The following SGCD variants were observed in gnomAD, a reference collection of about 807,000 sequenced individuals.
The protein encoded by SGCD is delta-sarcoglycan.
SGCD carries 18 observed loss-of-function variants against 36.6 expected under a neutral mutation model. The observed-to-expected ratio is 0.49, with a 90% CI of 0.34 to 0.73. The LOEUF (loss-of-function observed/expected upper bound fraction) is 0.73. Ranked by LOEUF, SGCD falls within the 30% of genes least tolerant of loss-of-function variation. The probability of loss-of-function intolerance (pLI) is 0.01; values close to 1 mark genes in which losing one functional copy is unlikely to be tolerated. For synonymous variants in SGCD, 133 were observed against 130.6 expected (o/e 1.02, Z -0.12); for missense variants, 387 against 346.7 (o/e 1.12, Z -0.92).
the SGCD span, among the ~76,000 whole-genome samples, chr5:155,780,349 G>A: frequency 6.6e-6 from 1 of 152,156 alleles, no homozygotes; most frequent in Non-Finnish European, 1.5e-5. Context: ...CAAATAGTTA[G>A]AAAATACTGT....
At chr5:156,161,740 C>T (rs1763090790) in intron 3 of SGCD, among the ~76,000 whole-genome samples, 1 of 151,772 alleles carries the variant, frequency 6.6e-6, no homozygotes, top group African/African-American at 2.4e-5. Flanking sequence ...TTTTCCTCAT[C>T]TTTCCTTCCT....
chr5:156,383,747 C>T (rs542689190), intron 3 of SGCD, among the ~76,000 whole-genome samples: 2 of 152,244 alleles, frequency 1.3e-5, no homozygotes, highest in South Asian at 4.1e-4. Context: ...ACATTAGAAA[C>T]TTACATGTCA....
intron 3 of SGCD, among the ~76,000 whole-genome samples, chr5:156,416,987 A>G (rs558653974): frequency 6.6e-6 from 1 of 152,280 alleles, no homozygotes; most frequent in South Asian, 2.1e-4. Flanking sequence ...ATGCAGTTTC[A>G]ATTCCATATC....
chr5:155,979,594 G>C (rs995323909), intron 1 of SGCD, among the ~76,000 whole-genome samples: 1 of 152,230 alleles, frequency 6.6e-6, no homozygotes, highest in African/African-American at 2.4e-5. Flanking sequence ...ACCATGGGGA[G>C]TGATGAAGCT....
chr5:156,625,959 T>C (rs1762424278), intron 6 of SGCD, among the ~76,000 whole-genome samples: 1 of 151,554 alleles, frequency 6.6e-6, no homozygotes, highest in Admixed American at 6.6e-5. Context: ...AGTGGTGTGT[T>C]GATAGGAGTG....
chr5:156,006,604 T>A (rs962784557), intron 1 of SGCD, among the ~76,000 whole-genome samples: 1 of 152,182 alleles, frequency 6.6e-6, no homozygotes, highest in African/African-American at 2.4e-5. Flanking sequence ...GAAAAAATCC[T>A]TCTCCCTAAC....
chr5:156,646,362 T>A (rs1312812323), intron 6 of SGCD, among the ~76,000 whole-genome samples: 1 of 152,162 alleles, frequency 6.6e-6, no homozygotes, highest in Non-Finnish European at 1.5e-5. Flanking sequence ...AGCAATAATT[T>A]AATACTCCCA....
At chr5:155,783,791 C>T in the SGCD span, among the ~76,000 whole-genome samples, 1 of 152,136 alleles carries the variant, frequency 6.6e-6, no homozygotes. Flanking sequence ...GCATTCTCTT[C>T]CCTTTGTGGA....
At chr5:155,762,214 A>T in the SGCD span, among the ~76,000 whole-genome samples, 1 of 152,178 alleles carries the variant, frequency 6.6e-6, no homozygotes, top group African/African-American at 2.4e-5. Context: ...TAAAACAAAT[A>T]CAAGGCCTGA....
At chr5:156,229,297 T>TATACATATATATATATATATATAA (rs1554085621) in intron 3 of SGCD, among the ~76,000 whole-genome samples, 1 of 119,880 alleles carries the variant, frequency 8.3e-6, no homozygotes, top group Non-Finnish European at 1.7e-5. Flanking sequence ...TATATATATA[T>TATACATATATATATATATATATAA]ATAAAATTAG....
At chr5:156,533,134 A>G (rs1394632322) in intron 4 of SGCD, among the ~76,000 whole-genome samples, 2 of 152,102 alleles carry the variant, frequency 1.3e-5, no homozygotes, top group Non-Finnish European at 2.9e-5. Flanking sequence ...AGAGGAGACC[A>G]TGTTATTTCC....
intron 3 of SGCD, among the ~76,000 whole-genome samples, chr5:156,382,008 A>ACAT (rs1771009967): frequency 6.6e-6 from 1 of 152,198 alleles, no homozygotes; most frequent in Non-Finnish European, 1.5e-5. Flanking sequence ...CATAATTTTT[A>ACAT]CATTATCATC....
At chr5:156,073,731 A>T (rs1050254415) in intron 1 of SGCD, among the ~76,000 whole-genome samples, 1 of 152,218 alleles carries the variant, frequency 6.6e-6, no homozygotes, top group African/African-American at 2.4e-5. Flanking sequence ...ATATCATCTA[A>T]ATCAGCAGAA....
At chr5:155,871,996 A>G (rs1755664920) in intron 1 of SGCD, among the ~76,000 whole-genome samples, 1 of 152,188 alleles carries the variant, frequency 6.6e-6, no homozygotes, top group Admixed American at 6.5e-5. Flanking sequence ...GCAAGAAATA[A>G]TGTGAGCCAG....
At chr5:156,149,182 A>C (rs1187020624) in intron 3 of SGCD, among the ~76,000 whole-genome samples, 1 of 152,184 alleles carries the variant, frequency 6.6e-6, no homozygotes, top group African/African-American at 2.4e-5. Flanking sequence ...GTTTTGGTAC[A>C]AGCATGCAAT....
chr5:156,081,919 G>A lies in SGCD; in HGVS notation c.-281-35959G>A, dbSNP rs562631549. On this transcript the variant is annotated intron_variant, in intron 1 of 9. Transcript: ENST00000517913. ...ATGATTATATGTCCTTCTTCTTACGGGAAAGGGGGATAGGGAAATGTGAGT... is the reference window on the plus strand; with the variant it reads ...ATGATTATATGTCCTTCTTCTTACGAGAAAGGGGGATAGGGAAATGTGAGT... Among the ~76,000 whole-genome samples, 32 of 152,242 alleles carry A rather than the reference G, an allele frequency of 2.1e-4. No individual in the cohort carries two copies. The South Asian group carries it at 6.6e-3, about 32-fold the overall frequency.
At chr5:156,691,457 T>C (rs1046535860) in intron 7 of SGCD, among the ~76,000 whole-genome samples, 1 of 152,070 alleles carries the variant, frequency 6.6e-6, no homozygotes, top group African/African-American at 2.4e-5. Context: ...GGTCAATAAA[T>C]TTTTTCTGTA....
At chr5:155,975,852 A>G in intron 1 of SGCD, among the ~76,000 whole-genome samples, 1 of 148,456 alleles carries the variant, frequency 6.7e-6, no homozygotes. Flanking sequence ...CTGGTCTCAA[A>G]CTCCTGACCT....
chr5:156,012,844 C>A (rs1758888533), intron 1 of SGCD, among the ~76,000 whole-genome samples: 2 of 151,846 alleles, frequency 1.3e-5, no homozygotes, highest in South Asian at 4.1e-4. Context: ...GATTTCCTGA[C>A]CTCGTGATCT....
Sources: allele counts gnomAD v4.1 joint callset (sites outside exome capture counted in the v4.1 genomes callset), GRCh38; gene constraint gnomAD v4.1.1; transcripts MANE v1.5; gene names NCBI Gene and HGNC (gene_info 2026-07-23, HGNC 2026-07-21).